The following NLGN4X variants were observed in gnomAD, a reference collection of about 807,000 sequenced individuals.
NLGN4X encodes neuroligin 4 X-linked, also known as neuroligin-4, X-linked.
Under a neutral mutation model 40.3 loss-of-function variants are expected in NLGN4X, and 3 were observed. The observed-to-expected ratio is 0.07, with a 90% CI of 0.03 to 0.19. The LOEUF (loss-of-function observed/expected upper bound fraction) is 0.19. Among genes scored for constraint, NLGN4X ranks in the 10% least tolerant of loss-of-function variants. The pLI is 1.00. For synonymous variants in NLGN4X, 270 were observed against 306.8 expected, an observed-to-expected ratio of 0.88 and a Z score of 1.25; for missense variants, 382 against 708.3, an observed-to-expected ratio of 0.54 and a Z score of 5.23.
intron 3 of NLGN4X, among the ~76,000 whole-genome samples, chrX:5,965,609 G>A (rs2034808117): frequency 9.0e-6 from 1 of 111,622 alleles, no homozygotes; most frequent in Non-Finnish European, 1.9e-5. Context: ...GGAACTGTCC[G>A]CTGTGCAGGT....
At chrX:5,971,112 A>C (rs189731125) in intron 3 of NLGN4X, among the ~76,000 whole-genome samples, 45 of 112,353 alleles carry the variant, frequency 4.0e-4, no homozygotes, top group Non-Finnish European at 6.9e-4. Flanking sequence ...TAATTATTGG[A>C]AATACATTTT....
intron 3 of NLGN4X, among the ~76,000 whole-genome samples, chrX:5,941,180 G>GCGTGTGT (rs1569143828): frequency 1.7e-5 from 1 of 58,625 alleles, no homozygotes; most frequent in African/African-American, 5.8e-5. Context: ...TATGCTAGGG[G>GCGTGTGT]GTGTGTGTGT....
chrX:5,972,673 G>A (rs1223926082), intron 3 of NLGN4X, among the ~76,000 whole-genome samples: 1 of 102,993 alleles, frequency 9.7e-6, no homozygotes, highest in African/African-American at 3.6e-5. Context: ...GTGACTACAA[G>A]ATTCTTGTCA....
intron 4 of NLGN4X, 145 bp from the exon 5 acceptor site, chrX:5,904,011 C>T: frequency 4.2e-6 from 3 of 711,263 alleles, no homozygotes; most frequent in Non-Finnish European, 6.4e-6. Context: ...GGCCCTTTTA[C>T]CCATTTTCAT....
At chrX:6,029,005 T>A (rs190677235) in intron 3 of NLGN4X, among the ~76,000 whole-genome samples, 5 of 112,787 alleles carry the variant, frequency 4.4e-5, no homozygotes, top group African/African-American at 1.6e-4. Context: ...CAAACATACA[T>A]TCATTGAACT....
chrX:6,072,436 G>A (rs1252324626), intron 2 of NLGN4X, among the ~76,000 whole-genome samples: 1 of 111,253 alleles, frequency 9.0e-6, no homozygotes, highest in Non-Finnish European at 1.9e-5. Context: ...ATGCTTAGGG[G>A]ACAGTTATTA....
chrX:6,074,801 G>A (rs931453623), intron 2 of NLGN4X, among the ~76,000 whole-genome samples: 1 of 111,435 alleles, frequency 9.0e-6, no homozygotes, highest in Non-Finnish European at 1.9e-5. Flanking sequence ...AGCAATAGCA[G>A]ACAATTGAAA....
intron 1 of NLGN4X, among the ~76,000 whole-genome samples, chrX:6,207,896 GT>G (rs1194122531): frequency 9.0e-6 from 1 of 111,625 alleles, no homozygotes; most frequent in Non-Finnish European, 1.9e-5. Context: ...ATTCTTTGGG[GT>G]TGGCGACATT....
chrX:6,063,087 C>A (rs1490135105), intron 2 of NLGN4X, among the ~76,000 whole-genome samples: 1 of 111,224 alleles, frequency 9.0e-6, no homozygotes, highest in Admixed American at 9.6e-5. Context: ...TTGTCATTGA[C>A]CACCCTACTT....
intron 2 of NLGN4X, among the ~76,000 whole-genome samples, chrX:6,085,011 A>C (rs2147421319): frequency 9.1e-6 from 1 of 110,461 alleles, no homozygotes; most frequent in Admixed American, 9.8e-5. Context: ...CAAACCATGC[A>C]GTAATTCACT....
chrX:6,026,268 T>C (rs2036692574), intron 3 of NLGN4X, among the ~76,000 whole-genome samples: 2 of 111,528 alleles, frequency 1.8e-5, no homozygotes, highest in South Asian at 7.6e-4. Flanking sequence ...AAAACAATAT[T>C]TTTCCATTCC....
At chrX:6,036,395 T>C (rs2037006074) in intron 2 of NLGN4X, among the ~76,000 whole-genome samples, 1 of 111,852 alleles carries the variant, frequency 8.9e-6, no homozygotes, top group Non-Finnish European at 1.9e-5. Flanking sequence ...GTTCTACGTA[T>C]ATTTAATTTG....
chrX:5,948,869 A>T (rs1025095018), intron 3 of NLGN4X, among the ~76,000 whole-genome samples: 2 of 111,984 alleles, frequency 1.8e-5, no homozygotes. Flanking sequence ...GCTAAGGGAT[A>T]GGAAGAGACA....
At chrX:6,010,513 T>TTTATTATTATTAGTATTATTA (rs2036220466) in intron 3 of NLGN4X, among the ~76,000 whole-genome samples, 1 of 95,413 alleles carries the variant, frequency 1.0e-5, no homozygotes, top group Admixed American at 1.2e-4. Flanking sequence ...TTCTTTTTAT[T>TTTATTATTATTAGTATTATTA]TTATTATTAT....
At chrX:6,158,713 T>C (rs1307702880) in intron 1 of NLGN4X, among the ~76,000 whole-genome samples, 1 of 111,705 alleles carries the variant, frequency 9.0e-6, no homozygotes, top group Non-Finnish European at 1.9e-5. Context: ...ACATGTGCCA[T>C]GGTGGTTTGC....
At chrX:5,925,062 A>G in intron 3 of NLGN4X, among the ~76,000 whole-genome samples, 1 of 111,843 alleles carries the variant, frequency 8.9e-6, no homozygotes, top group Non-Finnish European at 1.9e-5. Context: ...TTGCAAGTAG[A>G]CAGCTGCTTA....
intron 2 of NLGN4X, among the ~76,000 whole-genome samples, chrX:6,054,203 A>G (rs895624739): frequency 9.1e-6 from 1 of 109,430 alleles, no homozygotes; most frequent in Non-Finnish European, 1.9e-5. Context: ...AACATTAGCT[A>G]CATTTTAAGT....
intron 3 of NLGN4X, among the ~76,000 whole-genome samples, chrX:5,947,295 C>T (rs181981382): frequency 1.3e-3 from 146 of 111,946 alleles, no homozygotes; most frequent in Non-Finnish European, 2.2e-3. Flanking sequence ...ATTTACACTT[C>T]CACCAATAGT....
intron 1 of NLGN4X, among the ~76,000 whole-genome samples, chrX:6,193,604 C>T (rs1180248195): frequency 1.8e-5 from 2 of 111,226 alleles, no homozygotes; most frequent in Non-Finnish European, 3.8e-5. Context: ...AAGAACTAGC[C>T]GATCATGACA....
Sources: gnomAD v4.1 joint callset for allele counts (sites outside exome capture counted in the v4.1 genomes callset) on GRCh38, gnomAD v4.1.1 for gene constraint, MANE v1.5 for transcripts, NCBI Gene and HGNC (gene_info 2026-07-23, HGNC 2026-07-21) for gene names.